SORD: variants seen among roughly 807,000 people sequenced by gnomAD.
The protein encoded by SORD is sorbitol dehydrogenase.
A neutral mutation model predicts 35.6 loss-of-function variants in SORD; 18 were observed. The observed-to-expected ratio is 0.51, with a 90% CI of 0.35 to 0.75. The LOEUF (loss-of-function observed/expected upper bound fraction) is 0.75, where lower values mean the gene tolerates loss of function less well. Among genes scored for constraint, SORD ranks in the 30% least tolerant of loss-of-function variants. The probability of loss-of-function intolerance (pLI) is 0.01; values close to 1 mark genes in which losing one functional copy is unlikely to be tolerated. For missense variants in SORD, 250 were observed against 390.2 expected, an observed-to-expected ratio of 0.64 and a Z score of 3.03; for synonymous variants, 106 against 152.9, an observed-to-expected ratio of 0.69 and a Z score of 2.26.
At chr15:45,036,338 A>G (rs779225146) in intron 1 of SORD, 12 of 455,934 alleles carry the variant, frequency 2.6e-5, no homozygotes, top group African/African-American at 4.0e-5. Context: ...AAACTCACAC[A>G]ACTATGGTAA....
intron 4 of SORD, among the ~76,000 whole-genome samples, chr15:45,061,915 C>T (rs1448884433): frequency 6.6e-6 from 1 of 152,102 alleles, no homozygotes; most frequent in Non-Finnish European, 1.5e-5. Flanking sequence ...AACAACACAC[C>T]ATGACAGCAA....
chr15:45,060,565 C>G (rs1595505827), intron 3 of SORD, among the ~76,000 whole-genome samples: 1 of 152,212 alleles, frequency 6.6e-6, no homozygotes, highest in Non-Finnish European at 1.5e-5. Context: ...AATGACCAGA[C>G]TGGACATAAA....
At chr15:45,037,696 C>G (rs558673713) in intron 1 of SORD, among the ~76,000 whole-genome samples, 1 of 152,074 alleles carries the variant, frequency 6.6e-6, no homozygotes, top group East Asian at 1.9e-4. Context: ...CAAACTAACA[C>G]AGGAACAGAA....
At chr15:45,048,719 C>G (rs1291540610) in intron 3 of SORD, among the ~76,000 whole-genome samples, 1 of 151,974 alleles carries the variant, frequency 6.6e-6, no homozygotes, top group African/African-American at 2.4e-5. Context: ...AGTGTGGACA[C>G]CAAGAGTGAG....
At chr15:45,038,161 T>TTCCG (rs1892903034) in intron 1 of SORD, among the ~76,000 whole-genome samples, 1 of 150,000 alleles carries the variant, frequency 6.7e-6, no homozygotes, top group Middle Eastern at 3.4e-3. Context: ...CCTTCCTTCC[T>TTCCG]TCCTTCCTTC....
At chr15:45,048,491 T>C (rs897179995) in intron 3 of SORD, among the ~76,000 whole-genome samples, 1 of 152,170 alleles carries the variant, frequency 6.6e-6, no homozygotes, top group African/African-American at 2.4e-5. Context: ...GGAGGATTGC[T>C]TGAGCCTGGG....
intron 4 of SORD, among the ~76,000 whole-genome samples, chr15:45,063,499 C>T (rs1260759381): frequency 6.6e-6 from 1 of 152,058 alleles, no homozygotes. Context: ...TCAGTGGCAG[C>T]GGGGCTGGCC....
chr15:45,052,680 CA>C (rs1404137472), intron 3 of SORD, among the ~76,000 whole-genome samples: 2 of 152,188 alleles, frequency 1.3e-5, no homozygotes, highest in Non-Finnish European at 2.9e-5. Flanking sequence ...ATTGGGCAGA[CA>C]GAGTCTCAGC....
At chr15:45,040,943 C>A (rs572474140) in intron 2 of SORD, among the ~76,000 whole-genome samples, 1 of 152,322 alleles carries the variant, frequency 6.6e-6, no homozygotes, top group South Asian at 2.1e-4. Context: ...CCAGGACCTA[C>A]TGTCCAGTGG....
At chr15:45,028,819 A>G (rs1162926260) in intron 1 of SORD, among the ~76,000 whole-genome samples, 7 of 152,210 alleles carry the variant, frequency 4.6e-5, no homozygotes, top group African/African-American at 7.2e-5. Context: ...AGATAAATCT[A>G]TATCTGTAAT....
chr15:45,039,225 T>A (rs1397162913), intron 1 of SORD, among the ~76,000 whole-genome samples: 1 of 151,882 alleles, frequency 6.6e-6, no homozygotes, highest in Admixed American at 6.6e-5. Flanking sequence ...ATCTCCTGGG[T>A]TCAAGCAATT....
At chr15:45,061,283 G>A (rs1893301799) in intron 4 of SORD, 57 bp downstream of exon 4, 12 of 1,575,138 alleles carry the variant, frequency 7.6e-6, no homozygotes, top group Non-Finnish European at 1.0e-5. Context: ...CATTAGCTTG[G>A]TGCTGTTTCC....
chr15:45,073,531 T>C lies in SORD; in HGVS notation c.*1T>C, dbSNP rs1445337482. The C allele has an allele frequency of 1.3e-6, 2 of 1,592,992 alleles. No homozygotes were observed. The highest frequency in any genetic ancestry group is 1.7e-6 in the Non-Finnish European group (2 of 1,173,268). The stretch of plus-strand genomic sequence containing the variant: ...TGACCCCAGTGACCAGAATCCCTGA[T>C]GTTAATGGGCTCTGCCCTCATCCCC... On this transcript the variant is annotated 3_prime_UTR_variant, in exon 9 of 9. Transcript: ENST00000267814.
chr15:45,038,841 A>G (rs1429619345), intron 1 of SORD, among the ~76,000 whole-genome samples: 1 of 152,176 alleles, frequency 6.6e-6, no homozygotes, highest in Non-Finnish European at 1.5e-5. Context: ...AAGCTTTGAC[A>G]GTGCCTCCTC....
chr15:45,026,558 A>G (rs1406889514), intron 1 of SORD, among the ~76,000 whole-genome samples: 1 of 152,166 alleles, frequency 6.6e-6, no homozygotes, highest in Admixed American at 6.5e-5. Context: ...TTAGGTATAC[A>G]GGGGGGCAGG....
intron 1 of SORD, among the ~76,000 whole-genome samples, chr15:45,035,431 A>ATG (rs1192697461): frequency 2.0e-5 from 3 of 151,958 alleles, no homozygotes; most frequent in African/African-American, 7.3e-5. Context: ...GGGTTTATGA[A>ATG]TGCACCAATC....
At chr15:45,029,430 T>C (rs74936829) in intron 1 of SORD, among the ~76,000 whole-genome samples, 31,118 of 150,612 alleles carry the variant, frequency 0.21, no homozygotes, top group African/African-American at 0.44. Flanking sequence ...CATGAATGAG[T>C]GAGTGCGGGA....
At chr15:45,030,430 G>T (rs1170295329) in intron 1 of SORD, among the ~76,000 whole-genome samples, 5 of 152,244 alleles carry the variant, frequency 3.3e-5, no homozygotes, top group African/African-American at 1.2e-4. Context: ...GGCTGTTGAA[G>T]CTGGCAGTTT....
chr15:45,045,655 G>A (rs1016691662), intron 3 of SORD, among the ~76,000 whole-genome samples: 8 of 151,910 alleles, frequency 5.3e-5, no homozygotes, highest in African/African-American at 1.9e-4. Context: ...GAGGTTTTGT[G>A]TTGGGGAGTT....
Sources: allele counts gnomAD v4.1 joint callset (sites outside exome capture counted in the v4.1 genomes callset), GRCh38; gene constraint gnomAD v4.1.1; transcripts MANE v1.5; gene names NCBI Gene and HGNC (gene_info 2026-07-23, HGNC 2026-07-21).